The following RELN variants were observed in gnomAD, a reference collection of about 807,000 sequenced individuals.
RELN encodes the protein reelin.
In RELN, 108 loss-of-function variants were observed where a neutral mutation model predicts 427.6. That is an observed-to-expected ratio of 0.25 (90% CI 0.22 to 0.30). The LOEUF (loss-of-function observed/expected upper bound fraction) is 0.30. RELN is among the 10% of genes least tolerant of loss of function. The probability of loss-of-function intolerance (pLI) is 1.00; values close to 1 mark genes in which losing one functional copy is unlikely to be tolerated. For missense variants in RELN, 3,715 were observed against 4,302.8 expected (o/e 0.86, Z 3.82); for synonymous variants, 1,524 against 1,513.4 (o/e 1.01, Z -0.16).
chr7:103,836,332 T>G (rs576283617), intron 2 of RELN, among the ~76,000 whole-genome samples: 48 of 152,296 alleles, frequency 3.2e-4, no homozygotes, highest in African/African-American at 1.1e-3. Flanking sequence ...AAATTTAAAT[T>G]AATTAAAATT....
chr7:103,675,606 C>T (rs1403374805), intron 11 of RELN, among the ~76,000 whole-genome samples: 2 of 152,166 alleles, frequency 1.3e-5, no homozygotes, highest in African/African-American at 4.8e-5. Context: ...AAGAACAAAG[C>T]TGGAGGCGTC....
chr7:103,730,534 T>C (rs951096491), intron 6 of RELN, among the ~76,000 whole-genome samples: 1 of 152,026 alleles, frequency 6.6e-6, no homozygotes, highest in Non-Finnish European at 1.5e-5. Context: ...GATAAAGCTA[T>C]TCTTCCCATT....
chr7:103,947,826 C>T (rs888299354), intron 1 of RELN, among the ~76,000 whole-genome samples: 4 of 152,130 alleles, frequency 2.6e-5, no homozygotes, highest in East Asian at 1.9e-4. Context: ...AAATATTACC[C>T]CTTACAATGT....
chr7:103,655,580 C>G (rs776497354), intron 12 of RELN, among the ~76,000 whole-genome samples: 14 of 152,010 alleles, frequency 9.2e-5, no homozygotes, highest in Non-Finnish European at 1.9e-4. Flanking sequence ...CAAACTCGAC[C>G]TGAGTAATTG....
At chr7:103,967,322 T>C (rs1272913201) in intron 1 of RELN, among the ~76,000 whole-genome samples, 1 of 152,100 alleles carries the variant, frequency 6.6e-6, no homozygotes, top group Non-Finnish European at 1.5e-5. Flanking sequence ...TACAAAGCCC[T>C]ACAAGAAACC....
At chr7:103,974,754 G>A (rs1226676658) in intron 1 of RELN, among the ~76,000 whole-genome samples, 1 of 152,158 alleles carries the variant, frequency 6.6e-6, no homozygotes, top group African/African-American at 2.4e-5. Context: ...TTACATATCT[G>A]TTGAGTATGG....
intron 45 of RELN, among the ~76,000 whole-genome samples, chr7:103,537,821 G>A (rs145560431): frequency 3.9e-5 from 6 of 152,214 alleles, no homozygotes; most frequent in Non-Finnish European, 7.4e-5. Flanking sequence ...TAGTTTGGGG[G>A]CCCTTTCTTT....
At position 103,618,355 on chromosome 7, in the gene RELN, G is replaced by A. The variant is rs570297602; in HGVS notation, c.2703-6552C>T. Among the ~76,000 whole-genome samples, 3 of 151,466 alleles carry A rather than the reference G, an allele frequency of 2.0e-5. No individual in the cohort carries two copies. In the East Asian group the frequency reaches 5.9e-4, roughly 30 times the overall value. ...GCTTCTCCCTCTGATAGCACCACCT[G>A]TTACTCGTCTCTAGCCTCTCCTTCT... On this transcript the variant is annotated intron_variant, in intron 20 of 64. Transcript: ENST00000428762.
intron 53 of RELN, 51 bp downstream of exon 53, chr7:103,500,694 G>A (rs375684028): frequency 2.3e-5 from 37 of 1,585,316 alleles, no homozygotes; most frequent in South Asian, 7.8e-5. Context: ...TTGGTTCCTA[G>A]GCATGACCCA....
chr7:103,899,497 A>C (rs770994427), intron 2 of RELN, among the ~76,000 whole-genome samples: 9 of 152,120 alleles, frequency 5.9e-5, no homozygotes, highest in Non-Finnish European at 1.0e-4. Flanking sequence ...AAAAAAAGAA[A>C]ATTTCAGGCC....
intron 1 of RELN, among the ~76,000 whole-genome samples, chr7:103,955,701 A>G (rs1045703258): frequency 2.6e-5 from 4 of 152,208 alleles, no homozygotes; most frequent in Admixed American, 1.3e-4. Flanking sequence ...ATCTACATGT[A>G]AAACACTTTG....
intron 24 of RELN, among the ~76,000 whole-genome samples, chr7:103,602,379 C>A (rs1831691897): frequency 6.6e-6 from 1 of 152,170 alleles, no homozygotes. Context: ...GACACATGCA[C>A]ACGTATGTTT....
intron 56 of RELN, 143 bp downstream of exon 56, chr7:103,496,383 G>T: frequency 8.7e-7 from 1 of 1,154,700 alleles, no homozygotes; most frequent in Non-Finnish European, 1.3e-6. Context: ...ATAAACCACT[G>T]GGCAAAATAA....
At chr7:103,867,193 T>G (rs1056238167) in intron 2 of RELN, among the ~76,000 whole-genome samples, 1 of 151,034 alleles carries the variant, frequency 6.6e-6, no homozygotes, top group African/African-American at 2.4e-5. Context: ...GTGGATCTTG[T>G]TACAAAGTAA....
Position 103,553,499 on chromosome 7 carries a change from C to A in RELN, c.6034G>T (p.Asp2012Tyr), listed in dbSNP as rs1198872899. The A allele has an allele frequency of 6.2e-7, 1 of 1,613,840 alleles. No homozygotes were observed. Among genetic ancestry groups the A allele is most frequent in the Non-Finnish European group, 8.5e-7 (1 of 1,179,902 alleles). ...ATGGTGTTCTCATTCACATTTAGGTCACGGGTGGTAATGGAATGCTCACCA... is the reference window on the plus strand; with the variant it reads ...ATGGTGTTCTCATTCACATTTAGGTAACGGGTGGTAATGGAATGCTCACCA... ...EVGEHSITTR[D>Y]LNVNENTIIQ... Residue 2012 changes from aspartate to tyrosine, a missense_variant, in exon 40 of 65, where the codon GAC (aspartate) becomes TAC (tyrosine). Physicochemically the swap from Asp to Tyr is radical, Grantham distance 160. Coordinates refer to ENST00000428762, the MANE Select transcript of RELN (RefSeq NM_005045.4).
Position 103,944,342 on chromosome 7 carries a change from GA to G in RELN, c.227-27158del, listed in dbSNP as rs140262517. 2.2e-3 allele frequency among the ~76,000 whole-genome samples: 339 copies of G among 152,230 alleles called. 2 individuals carry two copies. Among genetic ancestry groups the G allele is most frequent in the African/African-American group, 7.7e-3 (321 of 41,542 alleles). On this transcript the variant is annotated intron_variant, in intron 1 of 64. Coordinates refer to ENST00000428762, the MANE Select transcript of RELN (RefSeq NM_005045.4). Reference sequence around the variant, plus strand: ...ATTTCTAAGTTTACTAAGCCCAGAGGAGGAAGAACACTCTGACACCGTGTTC... The same window carrying G: ...ATTTCTAAGTTTACTAAGCCCAGAGGGGAAGAACACTCTGACACCGTGTTC...
intron 16 of RELN, among the ~76,000 whole-genome samples, chr7:103,644,948 A>C (rs553406320): frequency 2.0e-5 from 3 of 151,910 alleles, no homozygotes; most frequent in Admixed American, 1.3e-4. Flanking sequence ...GAAACCTTAT[A>C]AGCCAGAAGA....
At chr7:103,931,710 C>T (rs774669622) in intron 1 of RELN, among the ~76,000 whole-genome samples, 82 of 152,314 alleles carry the variant, frequency 5.4e-4, no homozygotes, top group Non-Finnish European at 1.0e-3. Context: ...TGCCATCTGG[C>T]TGGTTTAATG....
intron 11 of RELN, among the ~76,000 whole-genome samples, chr7:103,663,351 T>C (rs1833186254): frequency 6.6e-6 from 1 of 152,138 alleles, no homozygotes; most frequent in Admixed American, 6.6e-5. Context: ...CCTCAATAAT[T>C]CTTGTTGAGC....
Sources: allele counts gnomAD v4.1 joint callset (sites outside exome capture counted in the v4.1 genomes callset), GRCh38; gene constraint gnomAD v4.1.1; transcripts MANE v1.5; gene names NCBI Gene and HGNC (gene_info 2026-07-23, HGNC 2026-07-21).